Variants in TMEM150C observed in about 807,000 individuals in gnomAD.
The protein encoded by TMEM150C is transmembrane protein 150C, also known as tentonin 3.
A neutral mutation model predicts 29.9 loss-of-function variants in TMEM150C; 10 were observed. The observed-to-expected ratio is 0.33, with a 90% CI of 0.21 to 0.57. The LOEUF (loss-of-function observed/expected upper bound fraction) is 0.57. Among genes scored for constraint, TMEM150C ranks in the 20% least tolerant of loss-of-function variants. TMEM150C has a pLI of 0.88. For synonymous variants in TMEM150C, 101 were observed against 112.5 expected (o/e 0.90, Z 0.64); for missense variants, 251 against 303.6 (o/e 0.83, Z 1.29).
chr4:82,509,046 A>G (rs1044035366), intron 1 of TMEM150C, among the ~76,000 whole-genome samples: 9 of 152,016 alleles, frequency 5.9e-5, no homozygotes, highest in African/African-American at 1.5e-4. Context: ...CAGATGGTCA[A>G]CTCTTCCTAA....
chr4:82,535,172 TAAAGAATAGGAG>T (rs1724966193), intron 1 of TMEM150C, among the ~76,000 whole-genome samples: 1 of 152,188 alleles, frequency 6.6e-6, no homozygotes, highest in Non-Finnish European at 1.5e-5. Context: ...GGGTAATTTA[TAAAGAATAGGAG>T]TTGATTTGGC....
At chr4:82,533,520 A>AT (rs1178428791) in intron 1 of TMEM150C, among the ~76,000 whole-genome samples, 1 of 152,132 alleles carries the variant, frequency 6.6e-6, no homozygotes, top group African/African-American at 2.4e-5. Flanking sequence ...TTATTTATCA[A>AT]TTTTTTTACA....
chr4:82,546,504 T>C (rs1172963773), intron 1 of TMEM150C, among the ~76,000 whole-genome samples: 1 of 152,188 alleles, frequency 6.6e-6, no homozygotes, highest in African/African-American at 2.4e-5. Flanking sequence ...CAGTAAATGC[T>C]GCTGGGATAG....
intron 1 of TMEM150C, among the ~76,000 whole-genome samples, chr4:82,534,744 G>A (rs1473198002): frequency 6.6e-6 from 1 of 152,110 alleles, no homozygotes; most frequent in African/African-American, 2.4e-5. Flanking sequence ...CCAAGTGATT[G>A]TAATACACAT....
chr4:82,490,378 T>C, intron 6 of TMEM150C, 140 bp from the exon 7 acceptor site: 3 of 767,578 alleles, frequency 3.9e-6, no homozygotes, highest in Non-Finnish European at 6.5e-6. Context: ...AAAGATTAGC[T>C]CTTCGTTCTA....
intron 1 of TMEM150C, among the ~76,000 whole-genome samples, chr4:82,521,996 G>A (rs1460657248): frequency 2.6e-5 from 4 of 152,228 alleles, no homozygotes; most frequent in South Asian, 4.1e-4. Context: ...CTGGGAGGTC[G>A]AGGCTGCAGT....
chr4:82,491,538 T>C, intron 6 of TMEM150C: 1 of 673,706 alleles, frequency 1.5e-6, no homozygotes, highest in Non-Finnish European at 2.7e-6. Flanking sequence ...AGGCCTTTTC[T>C]CAAACCAGGG....
At chr4:82,523,264 G>T (rs62311408) in intron 1 of TMEM150C, among the ~76,000 whole-genome samples, 1 of 152,118 alleles carries the variant, frequency 6.6e-6, no homozygotes, top group African/African-American at 2.4e-5. Context: ...AAAAGAGGAG[G>T]TCCCCACCTG....
At chr4:82,542,114 A>C (rs918245795) in intron 1 of TMEM150C, among the ~76,000 whole-genome samples, 6 of 152,366 alleles carry the variant, frequency 3.9e-5, no homozygotes, top group African/African-American at 1.4e-4. Context: ...TTTAATGAGA[A>C]GATACTAATA....
chr4:82,499,859 C>A (rs2110067689), intron 5 of TMEM150C, among the ~76,000 whole-genome samples: 1 of 151,700 alleles, frequency 6.6e-6, no homozygotes, highest in East Asian at 1.9e-4. Context: ...TAAACTGGTA[C>A]CTGGCCAAAT....
intron 1 of TMEM150C, among the ~76,000 whole-genome samples, chr4:82,530,525 C>A (rs1724809069): frequency 6.6e-6 from 1 of 152,094 alleles, no homozygotes. Flanking sequence ...CCACCGCACT[C>A]CAGCCTGGAT....
Position 82,483,268 on chromosome 4 carries a change from C to T in TMEM150C, c.*2243G>A, listed in dbSNP as rs1036794552. On this transcript the variant is annotated 3_prime_UTR_variant, in exon 8 of 8. Transcript: ENST00000449862. ...GCTAAAATGTGGTATTAGATATATT[C>T]TTAAGAAAGTGTACAATTGCATCAC... is the stretch of plus-strand genomic sequence containing the variant. 1 of 152,046 alleles carries T rather than the reference C, an allele frequency of 6.6e-6. No individual in the cohort carries two copies. Among genetic ancestry groups the T allele is most frequent in the African/African-American group, 2.4e-5 (1 of 41,396 alleles). 9.4% of individuals were successfully genotyped at this position (152,046 alleles called of 1,614,324 possible). A position where few individuals can be genotyped will look rare whatever the true frequency, so the allele number is the denominator to read the frequency against.
intron 6 of TMEM150C, among the ~76,000 whole-genome samples, chr4:82,494,419 A>G (rs1346630117): frequency 6.6e-6 from 1 of 152,196 alleles, no homozygotes; most frequent in East Asian, 1.9e-4. Context: ...TACAAGTCAT[A>G]AGTGTTCTGG....
chr4:82,509,860 C>T (rs1432241841), intron 1 of TMEM150C: 2 of 152,140 alleles, frequency 1.3e-5, no homozygotes, highest in African/African-American at 2.4e-5. Flanking sequence ...ATTCATACTT[C>T]TGTCATCAAA....
chr4:82,543,471 G>A (rs1380962098), intron 1 of TMEM150C, among the ~76,000 whole-genome samples: 1 of 152,164 alleles, frequency 6.6e-6, no homozygotes, highest in East Asian at 1.9e-4. Flanking sequence ...ACATCTGCAA[G>A]TCTAATGCTT....
intron 2 of TMEM150C, 76 bp from the exon 3 acceptor site, chr4:82,503,188 A>C: frequency 9.9e-7 from 1 of 1,015,142 alleles, no homozygotes; most frequent in Non-Finnish European, 1.5e-6. Context: ...TTATTAAACT[A>C]ACTGCACTAA....
intron 5 of TMEM150C, among the ~76,000 whole-genome samples, chr4:82,498,458 G>GT (rs1168660341): frequency 6.6e-6 from 1 of 152,112 alleles, no homozygotes; most frequent in Non-Finnish European, 1.5e-5. Flanking sequence ...CCAAGCTAAT[G>GT]TTTTTGTATT....
rs1723086364 is a variant in TMEM150C at position 82,484,169 on chromosome 4, T to G, written c.*1342A>C. On this transcript the variant is annotated 3_prime_UTR_variant, in exon 8 of 8. Transcript: ENST00000449862. ...AATCTGGGGATTTCTTGGAAGAAAG[T>G]GCACTCATGGAGGGTCTGTCCACTT... 2 of 152,126 alleles carry G rather than the reference T, an allele frequency of 1.3e-5. No homozygotes were observed. The highest frequency in any genetic ancestry group is 1.3e-4 in the Admixed American group (2 of 15,266). 9.4% of individuals were successfully genotyped at this position (152,126 alleles called of 1,614,324 possible).
chr4:82,530,450 G>A (rs1051776120), intron 1 of TMEM150C, among the ~76,000 whole-genome samples: 2 of 152,184 alleles, frequency 1.3e-5, no homozygotes, highest in South Asian at 2.1e-4. Flanking sequence ...CCAGTTACTC[G>A]GGAGGCTGAG....
Sources: allele counts gnomAD v4.1 joint callset (sites outside exome capture counted in the v4.1 genomes callset), GRCh38; gene constraint gnomAD v4.1.1; transcripts MANE v1.5; gene names NCBI Gene and HGNC (gene_info 2026-07-23, HGNC 2026-07-21).